SRRM2: variants seen among roughly 807,000 people sequenced by gnomAD.
SRRM2 encodes serine/arginine repetitive matrix 2.
A neutral mutation model predicts 213.8 loss-of-function variants in SRRM2; 30 were observed. The ratio of observed to expected loss-of-function variants is 0.14; its 90% CI spans 0.10 to 0.19. SRRM2 has a LOEUF of 0.19. SRRM2 is among the 10% of genes least tolerant of loss of function. SRRM2 has a pLI of 1.00. For missense variants in SRRM2, 4,904 were observed against 3,647.0 expected, an observed-to-expected ratio of 1.34 and a Z score of -8.88; for synonymous variants, 2,025 against 1,377.7, an observed-to-expected ratio of 1.47 and a Z score of -10.40.
At chr16:2,768,374 G>T in intron 11 of SRRM2, 113 bp downstream of exon 11, 1 of 1,244,274 alleles carries the variant, frequency 8.0e-7, no homozygotes, top group Non-Finnish European at 1.1e-6. Context: ...GGAGGTATGG[G>T]GACCTTGACC....
At chr16:2,755,862 G>A (rs1479067293) in intron 1 of SRRM2, among the ~76,000 whole-genome samples, 1 of 152,190 alleles carries the variant, frequency 6.6e-6, no homozygotes, top group Admixed American at 6.5e-5. Flanking sequence ...ACTAGAGGCC[G>A]TTGGGTGCCA....
chr16:2,761,591 G>A lies in SRRM2; in HGVS notation c.1063G>A (p.Glu355Lys). The change falls in exon 11 of 15, where the codon GAA (glutamate) becomes AAA (lysine). Residue 355 changes from glutamate (E) to lysine (K), a missense_variant. Physicochemically the swap from Glu to Lys is moderately conservative, Grantham distance 56 (BLOSUM62 1). Transcript: ENST00000301740. ...KSATRPSPSP[E>K]RSSTGPEPPA... Reference sequence around the variant, plus strand: ...TGCAACTCGACCTAGCCCCTCTCCGGAAAGGAGCAGCACAGGCCCAGAACC... The same window carrying A: ...TGCAACTCGACCTAGCCCCTCTCCGAAAAGGAGCAGCACAGGCCCAGAACC... The A allele has an allele frequency of 6.6e-7, 1 of 1,514,582 alleles. No homozygotes were observed. The highest frequency in any genetic ancestry group is 2.3e-5 in the East Asian group (1 of 43,560). The allele number at this position is 1,514,582 out of a possible 1,614,324, so 93.8% of individuals were successfully genotyped here. A position where few individuals can be genotyped will look rare whatever the true frequency, so the allele number is the denominator to read the frequency against.
chr16:2,762,996 C>T lies in SRRM2; in HGVS notation c.2468C>T (p.Pro823Leu), dbSNP rs547763043. ...RRSRSSSSPP[P>L]KQKSKTPSRQ... ...AGTCGCTCCAGTTCTTCTCCGCCAC[C>T]TAAACAGAAATCTAAGACACCATCA... The change falls in exon 11 of 15, where the codon CCT becomes CTT. Residue 823 changes from proline (P) to leucine (L), a missense_variant. Physicochemically the swap from Pro to Leu is moderately conservative, Grantham distance 98 (BLOSUM62 -3). Coordinates refer to ENST00000301740, the MANE Select transcript of SRRM2 (RefSeq NM_016333.4). The T allele has an allele frequency of 9.9e-6, 16 of 1,614,030 alleles. No individual in the cohort carries two copies. The Admixed American group carries it at 2.7e-4, about 27-fold the overall frequency.
intron 5 of SRRM2, 183 bp downstream of exon 5, chr16:2,758,730 T>G: frequency 1.5e-6 from 1 of 679,092 alleles, no homozygotes. Flanking sequence ...GTGTTGAGTT[T>G]GCAGTTCTGC....
rs1248725358 is a variant in SRRM2, at chr16:2,767,006, C to T, written c.6478C>T (p.Pro2160Ser). ...QQAGGSMMDG[P>S]GPRIPDHQRT... The stretch of plus-strand genomic sequence containing the variant: ...AGCCGGCGGCTCCATGATGGATGGT[C>T]CAGGTCCCCGAATACCTGACCACCA... The change falls in exon 11 of 15, where the codon CCA becomes TCA. Residue 2160 changes from proline to serine, a missense_variant. Physicochemically the swap from Pro to Ser is moderately conservative, Grantham distance 74. Transcript: ENST00000301740. The T allele has an allele frequency of 3.7e-6, 6 of 1,614,178 alleles. No individual in the cohort carries two copies. Among genetic ancestry groups the T allele is most frequent in the Non-Finnish European group, 5.1e-6 (6 of 1,180,042 alleles).
At position 2,769,177 on chromosome 16, in the gene SRRM2, C is replaced by CTCG; in HGVS notation, c.7916_7917insGTC (p.Ser2648dup). On this transcript the variant is annotated inframe_insertion, in exon 12 of 15. Coordinates refer to ENST00000301740, the MANE Select transcript of SRRM2 (RefSeq NM_016333.4). Reference sequence around the variant, plus strand: ...CCTCTTCCTCTTCTTCTTCTTCCTCCTCATCTTCCTCCTCCTCGTCGTCTT... The same window carrying CTCG: ...CCTCTTCCTCTTCTTCTTCTTCCTCCTCGTCATCTTCCTCCTCCTCGTCGTCTT... 1 of 1,611,268 alleles carries CTCG rather than the reference C, an allele frequency of 6.2e-7. No homozygotes were observed. Among genetic ancestry groups the CTCG allele is most frequent in the Non-Finnish European group, 8.5e-7 (1 of 1,178,216 alleles).
At chr16:2,770,099 T>G in intron 12 of SRRM2, 26 of 1,383,594 alleles carry the variant, frequency 1.9e-5, no homozygotes, top group Admixed American at 3.0e-5. Flanking sequence ...GTGCGTGCCT[T>G]TCTTCACCAC....
rs1459584415 is a variant in SRRM2, at chr16:2,764,650, A to G, written c.4122A>G (p.Gln1374=). 1.2e-6 allele frequency: 2 copies of G among 1,613,990 alleles called. No individual in the cohort carries two copies. Among genetic ancestry groups the G allele is most frequent in the East Asian group, 2.2e-5 (1 of 44,884 alleles). The stretch of plus-strand genomic sequence containing the variant: ...ATCCATCTCTAGACATGAAAGAACA[A>G]TCGACAAGATCCTCTGGACACAGCA... ...ETDPSLDMKE[Q]STRSSGHSSS... Residue 1374 remains glutamine (Q), a synonymous_variant, in exon 11 of 15, where the codon CAA becomes CAG. Coordinates refer to ENST00000301740, the MANE Select transcript of SRRM2 (RefSeq NM_016333.4).
In SRRM2 at chr16:2,770,941, C is replaced by A. The variant is rs762175067; in HGVS notation, c.*74C>A. ...AGTGTCCCTTCTTCCCCAGCAGAGC[C>A]GTGGGAGGGTCCTTGTCTGCTCTCC... On this transcript the variant is annotated 3_prime_UTR_variant, in exon 15 of 15. Transcript: ENST00000301740. The A allele has an allele frequency of 8.8e-6, 14 of 1,593,954 alleles. No individual in the cohort carries two copies. Among genetic ancestry groups the A allele is most frequent in the Non-Finnish European group, 1.2e-5 (14 of 1,165,652 alleles).
Position 2,766,255 on chromosome 16 carries a change from A to G in SRRM2, c.5727A>G (p.Arg1909=), listed in dbSNP as rs776278510. 6.2e-7 allele frequency: 1 copy of G among 1,614,036 alleles called. No individual in the cohort carries two copies. Among genetic ancestry groups the G allele is most frequent in the African/African-American group, 1.3e-5 (1 of 74,914 alleles). The part of the protein sequence containing the change: ...RSRSRTSVTR[R]RSRSRASPVS... Reference sequence around the variant, plus strand: ...GGTCCAGGACTTCAGTGACTCGACGAAGATCCCGGTCAAGAGCATCCCCAG... The same window carrying G: ...GGTCCAGGACTTCAGTGACTCGACGGAGATCCCGGTCAAGAGCATCCCCAG... Residue 1909 remains arginine, a synonymous_variant, in exon 11 of 15, where the codon CGA becomes CGG. Coordinates refer to ENST00000301740, the MANE Select transcript of SRRM2 (RefSeq NM_016333.4). The surrounding 1 kb of genome is among the most constrained non-coding windows in gnomAD (Gnocchi z 7.0).
chr16:2,759,842 CTTTTT>C (rs375549530), intron 9 of SRRM2, 181 bp downstream of exon 9: 1 of 453,356 alleles, frequency 2.2e-6, no homozygotes, highest in Middle Eastern at 6.3e-4. Flanking sequence ...TTCCCCTTCT[CTTTTT>C]TTTTTTGTTT....
chr16:2,755,103 T>C (rs1022261382), intron 1 of SRRM2, among the ~76,000 whole-genome samples: 1 of 152,248 alleles, frequency 6.6e-6, no homozygotes, highest in African/African-American at 2.4e-5. Context: ...TTCTCATATA[T>C]GCATGTTCTA....
intron 5 of SRRM2, 90 bp from the exon 6 acceptor site, chr16:2,758,894 GT>G: frequency 2.1e-6 from 3 of 1,458,342 alleles, no homozygotes; most frequent in African/African-American, 1.4e-5. Context: ...ACATTCAAGT[GT>G]TTTAGAAACC....
chr16:2,771,036 A>G lies in SRRM2; in HGVS notation c.*169A>G. The G allele has an allele frequency of 1.4e-6, 1 of 728,468 alleles. No individual in the cohort carries two copies. Among genetic ancestry groups the G allele is most frequent in the Non-Finnish European group, 2.2e-6 (1 of 457,406 alleles). The allele number at this position is 728,468 out of a possible 1,614,324, so 45.1% of individuals were successfully genotyped here. On this transcript the variant is annotated 3_prime_UTR_variant, in exon 15 of 15. Transcript: ENST00000301740. ...CCTTTTTTTTTTCTTTGTTCCTGTGAAATGTTAATCTCCGTGAGTTCTTCC... is the reference window on the plus strand; with the variant it reads ...CCTTTTTTTTTTCTTTGTTCCTGTGGAATGTTAATCTCCGTGAGTTCTTCC...
In SRRM2 at chr16:2,765,158, G is replaced by C; in HGVS notation, c.4630G>C (p.Glu1544Gln). Residue 1544 changes from glutamate to glutamine, a missense_variant, in exon 11 of 15, where the codon GAA (glutamate) becomes CAA (glutamine). Transcript: ENST00000301740. The part of the protein sequence containing the change: ...GQRSRSGSSQ[E>Q]LDVKPSASPQ... ...GAGAAGTCGTTCGGGATCCTCTCAA[G>C]AACTTGATGTGAAACCCAGTGCATC... 1 of 1,614,176 alleles carries C rather than the reference G, an allele frequency of 6.2e-7. No individual in the cohort carries two copies. The highest frequency in any genetic ancestry group is 8.5e-7 in the Non-Finnish European group (1 of 1,180,042).
At chr16:2,755,686 G>A (rs531960883) in intron 1 of SRRM2, among the ~76,000 whole-genome samples, 1 of 152,354 alleles carries the variant, frequency 6.6e-6, no homozygotes, top group Admixed American at 6.5e-5. Context: ...CAAGGTTCAT[G>A]TGTGTTTCTG....
At position 2,761,697 on chromosome 16, in the gene SRRM2, C is replaced by T. The variant is rs2068355441; in HGVS notation, c.1169C>T (p.Pro390Leu). ...PLATTPLSQE[P>L]VNPPSEASPT... is the part of the protein sequence containing the mutation. ...GCAACCACCCCCTTAAGCCAGGAGC[C>T]AGTGAACCCCCCATCTGAGGCCTCT... Residue 390 changes from proline to leucine, a missense_variant, in exon 11 of 15, where the codon CCA (proline) becomes CTA (leucine). Coordinates refer to ENST00000301740, the MANE Select transcript of SRRM2 (RefSeq NM_016333.4). The T allele has an allele frequency of 1.2e-6, 2 of 1,604,944 alleles. No individual in the cohort carries two copies. Among genetic ancestry groups the T allele is most frequent in the Non-Finnish European group, 8.5e-7 (1 of 1,175,568 alleles).
Position 2,759,190 on chromosome 16 carries a change from CAT to C in SRRM2, c.689+20_689+21del, listed in dbSNP as rs750813861. 8.1e-6 allele frequency: 13 copies of C among 1,613,704 alleles called. No individual in the cohort carries two copies. Among genetic ancestry groups the C allele is most frequent in the South Asian group, 1.1e-5 (1 of 91,044 alleles). ...AAGCATAGGTAAGAGCTCTTTAACT[CAT>C]AGGGGGCGCAGTGGCATGTGGAGTG... On this transcript the variant is annotated intron_variant, in intron 7 of 14. Transcript: ENST00000301740.
At chr16:2,758,745 T>C in intron 5 of SRRM2, 198 bp downstream of exon 5, 1 of 678,686 alleles carries the variant, frequency 1.5e-6, no homozygotes, top group Non-Finnish European at 2.5e-6. Flanking sequence ...TTCTGCTAAT[T>C]AAGATTGGCC....
Sources: gnomAD v4.1 joint callset for allele counts (sites outside exome capture counted in the v4.1 genomes callset) on GRCh38, gnomAD v4.1.1 for gene constraint, Gnocchi (gnomAD v3.1) non-coding constraint, MANE v1.5 for transcripts, NCBI Gene and HGNC (gene_info 2026-07-23, HGNC 2026-07-21) for gene names.